Variants in MBNL2 observed in about 807,000 individuals in gnomAD.
The protein encoded by MBNL2 is muscleblind-like protein 2.
A neutral mutation model predicts 41.9 loss-of-function variants in MBNL2; 17 were observed. The observed-to-expected ratio is 0.41, with a 90% CI of 0.28 to 0.61. The LOEUF is 0.61. Among genes scored for constraint, MBNL2 ranks in the 20% least tolerant of loss-of-function variants. MBNL2 has a pLI of 0.35. For synonymous variants in MBNL2, 195 were observed against 182.9 expected (o/e 1.07, Z -0.53); for missense variants, 336 against 505.6 (o/e 0.66, Z 3.22).
chr13:97,302,867 T>A (rs2057763077), intron 2 of MBNL2, among the ~76,000 whole-genome samples: 1 of 152,168 alleles, frequency 6.6e-6, no homozygotes, highest in Non-Finnish European at 1.5e-5. Flanking sequence ...GGGCACTGAC[T>A]GAGTGCCCTG....
intron 1 of MBNL2, among the ~76,000 whole-genome samples, chr13:97,224,919 T>C (rs1161843893): frequency 6.6e-6 from 1 of 152,274 alleles, no homozygotes; most frequent in African/African-American, 2.4e-5. Context: ...AAGCACACTA[T>C]TCTGGCCACA....
intron 5 of MBNL2, among the ~76,000 whole-genome samples, chr13:97,352,663 C>T (rs2062608149): frequency 6.6e-6 from 1 of 152,216 alleles, no homozygotes. Flanking sequence ...AAAGTTAGCA[C>T]ATGCTGTTGG....
At chr13:97,238,817 G>C (rs1309579070) in intron 1 of MBNL2, among the ~76,000 whole-genome samples, 1 of 152,180 alleles carries the variant, frequency 6.6e-6, no homozygotes, top group African/African-American at 2.4e-5. Context: ...GCAACTTTTG[G>C]CTCATTGGAG....
the MBNL2 span, among the ~76,000 whole-genome samples, chr13:97,164,358 G>A: frequency 2.0e-5 from 3 of 152,138 alleles, no homozygotes; most frequent in African/African-American, 7.2e-5. Context: ...GGATTTTTAT[G>A]CCTTTTGGTT....
the MBNL2 span, among the ~76,000 whole-genome samples, chr13:97,163,252 A>G: frequency 6.6e-6 from 1 of 152,208 alleles, no homozygotes; most frequent in Non-Finnish European, 1.5e-5. Flanking sequence ...GTGGTTTGGA[A>G]AAAAGGACAA....
chr13:97,340,574 T>C (rs2061367978), intron 3 of MBNL2, among the ~76,000 whole-genome samples: 1 of 152,206 alleles, frequency 6.6e-6, no homozygotes, highest in Admixed American at 6.5e-5. Context: ...TAGCGCCTTG[T>C]TCTGCCCAAC....
intron 2 of MBNL2, among the ~76,000 whole-genome samples, chr13:97,292,304 C>G (rs2056280777): frequency 2.0e-5 from 3 of 152,114 alleles, no homozygotes; most frequent in South Asian, 2.1e-4. Flanking sequence ...GTAATTTTAC[C>G]CTTCATGTTC....
At chr13:97,307,442 C>T in intron 2 of MBNL2, among the ~76,000 whole-genome samples, 1 of 150,974 alleles carries the variant, frequency 6.6e-6, no homozygotes, top group Non-Finnish European at 1.5e-5. Flanking sequence ...CCACCAAAAC[C>T]AGATAGTTTT....
At chr13:97,168,674 T>C in the MBNL2 span, among the ~76,000 whole-genome samples, 1 of 152,190 alleles carries the variant, frequency 6.6e-6, no homozygotes, top group African/African-American at 2.4e-5. Context: ...TTGAATTGAT[T>C]AAGCATAATG....
chr13:97,303,342 G>C (rs116367865), intron 2 of MBNL2, among the ~76,000 whole-genome samples: 1 of 152,280 alleles, frequency 6.6e-6, no homozygotes, highest in East Asian at 1.9e-4. Context: ...GGGTCCTCAG[G>C]GCTGGGCAAT....
chr13:97,294,133 TG>T (rs1254634682), intron 2 of MBNL2, among the ~76,000 whole-genome samples: 2 of 152,248 alleles, frequency 1.3e-5, no homozygotes, highest in African/African-American at 4.8e-5. Context: ...ATTTTTAATT[TG>T]AATTAATCTT....
the MBNL2 span, among the ~76,000 whole-genome samples, chr13:97,170,878 G>C: frequency 6.6e-6 from 1 of 152,142 alleles, no homozygotes. Context: ...TTAAGTTTTT[G>C]AGAAGGCTTA....
At chr13:97,148,293 GAGA>G in the MBNL2 span, among the ~76,000 whole-genome samples, 2 of 152,082 alleles carry the variant, frequency 1.3e-5, no homozygotes, top group Non-Finnish European at 1.5e-5. Context: ...TGTAGGACCT[GAGA>G]AGAAGGACAA....
intron 3 of MBNL2, among the ~76,000 whole-genome samples, chr13:97,340,949 C>T (rs1024918068): frequency 1.3e-5 from 2 of 152,058 alleles, no homozygotes; most frequent in African/African-American, 2.4e-5. Flanking sequence ...AAGTACAACC[C>T]GTATTTATGG....
intron 2 of MBNL2, among the ~76,000 whole-genome samples, chr13:97,286,743 A>G (rs559031177): frequency 5.9e-5 from 9 of 151,982 alleles, no homozygotes; most frequent in African/African-American, 2.2e-4. Flanking sequence ...TGTTCCCTCC[A>G]CCTGGAATGT....
In MBNL2 at chr13:97,343,109, C is replaced by G; in HGVS notation, c.433C>G (p.Pro145Ala). Residue 145 changes from proline to alanine, a missense_variant, in exon 4 of 9, where the codon CCA (proline) becomes GCA (alanine). Coordinates refer to ENST00000679496, the MANE Select transcript of MBNL2 (RefSeq NM_001382683.1). Reference protein sequence around the residue: ...APVTPGVGLVPTEILPTTPVI... With the variant: ...APVTPGVGLVATEILPTTPVI... ...TGTAACCCCTGGAGTTGGGTTGGTC[C>G]CAACGGAAATTCTGCCCACCACGCC... is the stretch of plus-strand genomic sequence containing the variant. The G allele has an allele frequency of 6.2e-7, 1 of 1,613,946 alleles. No individual in the cohort carries two copies. The highest frequency in any genetic ancestry group is 1.1e-5 in the South Asian group (1 of 91,080).
At chr13:97,285,736 A>G (rs987066984) in intron 2 of MBNL2, among the ~76,000 whole-genome samples, 13 of 151,218 alleles carry the variant, frequency 8.6e-5, no homozygotes, top group East Asian at 1.9e-4. Context: ...TCTTCCATCA[A>G]TAGAGATCAT....
chr13:97,298,077 TTAGA>T (rs1410528496), intron 2 of MBNL2, among the ~76,000 whole-genome samples: 1 of 152,090 alleles, frequency 6.6e-6, no homozygotes, highest in African/African-American at 2.4e-5. Flanking sequence ...CTTCAGTATA[TTAGA>T]TATAGTTAAT....
intron 2 of MBNL2, among the ~76,000 whole-genome samples, chr13:97,290,661 C>T (rs1421247623): frequency 7.4e-6 from 1 of 135,852 alleles, no homozygotes; most frequent in South Asian, 2.4e-4. Flanking sequence ...CTGGCCTGGG[C>T]GACAGAGCGA....
Sources: gnomAD v4.1 joint callset for allele counts (sites outside exome capture counted in the v4.1 genomes callset) on GRCh38, gnomAD v4.1.1 for gene constraint, MANE v1.5 for transcripts, NCBI Gene and HGNC (gene_info 2026-07-23, HGNC 2026-07-21) for gene names.